WASF3: variants seen among roughly 807,000 people sequenced by gnomAD.
The protein encoded by WASF3 is actin-binding protein WASF3.
Under a neutral mutation model 46.6 loss-of-function variants are expected in WASF3, and 11 were observed. That is an observed-to-expected ratio of 0.24 (90% confidence interval 0.15 to 0.39). The LOEUF (loss-of-function observed/expected upper bound fraction) is 0.39. Ranked by LOEUF, WASF3 falls within the 10% of genes least tolerant of loss-of-function variation. WASF3 has a pLI of 1.00. For synonymous variants in WASF3, 242 were observed against 259.7 expected, an observed-to-expected ratio of 0.93 and a Z score of 0.65; for missense variants, 576 against 669.8, an observed-to-expected ratio of 0.86 and a Z score of 1.55.
At chr13:26,596,044 AATGTGCCAAACT>A (rs1880450653) in intron 1 of WASF3, among the ~76,000 whole-genome samples, 1 of 152,010 alleles carries the variant, frequency 6.6e-6, no homozygotes, top group South Asian at 2.1e-4. Context: ...GTTTTGTAAG[AATGTGCCAAACT>A]ATTTTCCAGA....
At chr13:26,645,269 A>G (rs1347001862) in intron 3 of WASF3, among the ~76,000 whole-genome samples, 4 of 152,160 alleles carry the variant, frequency 2.6e-5, no homozygotes, top group Admixed American at 2.6e-4. Context: ...TAGTGATGCC[A>G]AAGCAATGAG....
chr13:26,678,049 A>G (rs1365631411), intron 7 of WASF3, among the ~76,000 whole-genome samples: 1 of 152,204 alleles, frequency 6.6e-6, no homozygotes, highest in Non-Finnish European at 1.5e-5. Context: ...TTATTCAGAT[A>G]TAGTCTGCCT....
Position 26,682,517 on chromosome 13 carries a change from C to A in WASF3, c.984-90C>A. The stretch of plus-strand genomic sequence containing the variant: ...GTTCAGGTGACAATACGTGTTGTGT[C>A]TGGGGATGGCTCCGTTAGGTGTCTA... On this transcript the variant is annotated intron_variant, in intron 8 of 9. Transcript: ENST00000335327. The surrounding 1 kb of genome is among the most constrained non-coding windows in gnomAD (Gnocchi z 4.4). The A allele has an allele frequency of 6.6e-7, 1 of 1,504,132 alleles. No individual in the cohort carries two copies. The highest frequency in any genetic ancestry group is 9.1e-7 in the Non-Finnish European group (1 of 1,095,246). 93.2% of individuals were successfully genotyped at this position (1,504,132 alleles called of 1,614,324 possible).
intron 1 of WASF3, among the ~76,000 whole-genome samples, chr13:26,589,223 G>A (rs1342846526): frequency 6.6e-6 from 1 of 152,294 alleles, no homozygotes; most frequent in East Asian, 1.9e-4. Context: ...GGGGCATTTT[G>A]TGAGAGTATT....
intron 1 of WASF3, among the ~76,000 whole-genome samples, chr13:26,567,562 T>C (rs187431615): frequency 6.6e-6 from 1 of 152,328 alleles, no homozygotes; most frequent in East Asian, 1.9e-4. Flanking sequence ...CAACAGAGGC[T>C]AACTTACACA....
rs1883212969 is a variant in WASF3, at chr13:26,681,102, C to A, written c.765C>A (p.Asn255Lys). ...ATTACTCTTACCCGGCTACTCCCAACCATTCTCTGCACCCCCAGCCTGTGA... is the reference window on the plus strand; with the variant it reads ...ATTACTCTTACCCGGCTACTCCCAAACATTCTCTGCACCCCCAGCCTGTGA... ...VTDYSYPATP[N>K]HSLHPQPVTP... The change falls in exon 8 of 10, where the codon AAC (asparagine) becomes AAA (lysine). Residue 255 changes from asparagine to lysine, a missense_variant. Asn to Lys is a moderately conservative substitution (Grantham distance 94). This residue lies in a region of WASF3 where 295 missense variants were observed against 291.5 expected (regional missense o/e 1.01). Coordinates refer to ENST00000335327, the MANE Select transcript of WASF3 (RefSeq NM_006646.6). 6.2e-7 allele frequency: 1 copy of A among 1,614,240 alleles called. No homozygotes were observed. The highest frequency in any genetic ancestry group is 1.3e-5 in the African/African-American group (1 of 75,062).
At chr13:26,669,960 G>T (rs1882882509) in intron 5 of WASF3, among the ~76,000 whole-genome samples, 1 of 152,166 alleles carries the variant, frequency 6.6e-6, no homozygotes, top group Non-Finnish European at 1.5e-5. Context: ...ATTCCTCAAG[G>T]ATCTAGAACT....
intron 6 of WASF3, among the ~76,000 whole-genome samples, chr13:26,675,481 T>TACACACACACACAC (rs56162218): frequency 3.4e-5 from 5 of 145,664 alleles, no homozygotes; most frequent in Admixed American, 1.4e-4. Flanking sequence ...TAGACACACA[T>TACACACACACACAC]ACACACACAC....
chr13:26,546,361 AT>A, the WASF3 span, among the ~76,000 whole-genome samples: 8,208 of 152,338 alleles, frequency 0.054, 355 homozygotes, highest in Non-Finnish European at 0.073. Flanking sequence ...GTCTTTTACA[AT>A]TATATTGCTT....
intron 2 of WASF3, chr13:26,642,002 C>T (rs536292039): frequency 5.0e-6 from 1 of 201,782 alleles, no homozygotes; most frequent in East Asian, 1.2e-4. Flanking sequence ...TCTCTCTCCT[C>T]ATTTCAGTGA....
At chr13:26,629,686 C>T (rs1235423023) in intron 2 of WASF3, among the ~76,000 whole-genome samples, 1 of 138,980 alleles carries the variant, frequency 7.2e-6, no homozygotes, top group African/African-American at 3.4e-5. Context: ...GAGGTCTGGG[C>T]TTCCTGCTCA....
chr13:26,540,957 G>A, the WASF3 span, among the ~76,000 whole-genome samples: 7 of 152,146 alleles, frequency 4.6e-5, no homozygotes, highest in Admixed American at 1.3e-4. Context: ...ATATACGCGC[G>A]CAAAAACGGT....
chr13:26,612,315 TCTGAGTAGG>T (rs1477746578), intron 1 of WASF3, among the ~76,000 whole-genome samples: 8 of 152,334 alleles, frequency 5.3e-5, no homozygotes, highest in African/African-American at 1.9e-4. Context: ...AGACCATAAT[TCTGAGTAGG>T]AAACCATGTC....
the WASF3 span, among the ~76,000 whole-genome samples, chr13:26,547,068 C>T: frequency 1.3e-5 from 2 of 151,486 alleles, no homozygotes; most frequent in African/African-American, 2.4e-5. Flanking sequence ...CACCTAGATT[C>T]GTTTTATTTA....
At chr13:26,677,304 A>G (rs989649933) in intron 7 of WASF3, among the ~76,000 whole-genome samples, 1 of 152,250 alleles carries the variant, frequency 6.6e-6, no homozygotes, top group Admixed American at 6.5e-5. Flanking sequence ...GGCGTGAATG[A>G]TGTGGTCATT....
chr13:26,578,368 T>G (rs1338154523), intron 1 of WASF3, among the ~76,000 whole-genome samples: 2 of 152,198 alleles, frequency 1.3e-5, no homozygotes, highest in Admixed American at 1.3e-4. Flanking sequence ...AGCATTCATT[T>G]TAGGCCTAAC....
chr13:26,586,490 G>A (rs779623559), intron 1 of WASF3, among the ~76,000 whole-genome samples: 1 of 152,050 alleles, frequency 6.6e-6, no homozygotes, highest in African/African-American at 2.4e-5. Context: ...TCCATTATAG[G>A]TTTATTTATT....
intron 3 of WASF3, among the ~76,000 whole-genome samples, chr13:26,659,952 T>C (rs2137452608): frequency 6.6e-6 from 1 of 152,158 alleles, no homozygotes; most frequent in South Asian, 2.1e-4. Context: ...GATACATGCA[T>C]CAGGATCTCA....
intron 2 of WASF3, among the ~76,000 whole-genome samples, chr13:26,625,247 T>G (rs1371628600): frequency 6.6e-6 from 1 of 152,008 alleles, no homozygotes; most frequent in Non-Finnish European, 1.5e-5. Flanking sequence ...TCCAGAGAAA[T>G]AGAACATATA....
Sources: allele counts gnomAD v4.1 joint callset (sites outside exome capture counted in the v4.1 genomes callset), GRCh38; gene constraint gnomAD v4.1.1; regional missense constraint gnomAD v4.1.1; non-coding constraint Gnocchi (gnomAD v3.1); transcripts MANE v1.5; gene names NCBI Gene and HGNC (gene_info 2026-07-23, HGNC 2026-07-21).